COLEC10: variants seen among roughly 807,000 people sequenced by gnomAD.
COLEC10 encodes collectin subfamily member 10.
A neutral mutation model predicts 28.4 loss-of-function variants in COLEC10; 22 were observed. The ratio of observed to expected loss-of-function variants is 0.78; its 90% CI spans 0.55 to 1.11. COLEC10 has a LOEUF of 1.11. Among genes scored for constraint, COLEC10 ranks in the 50% least tolerant of loss-of-function variants. COLEC10 has a pLI of 0.00. For missense variants in COLEC10, 361 were observed against 344.1 expected, an observed-to-expected ratio of 1.05 and a Z score of -0.39; for synonymous variants, 125 against 116.1, an observed-to-expected ratio of 1.08 and a Z score of -0.49.
At chr8:119,047,673 A>G (rs2130168777) in intron 2 of COLEC10, among the ~76,000 whole-genome samples, 1 of 152,282 alleles carries the variant, frequency 6.6e-6, no homozygotes, top group South Asian at 2.1e-4. Context: ...TTATAGTAAA[A>G]ACCAATTAGT....
chr8:118,968,620 T>C, the COLEC10 span, among the ~76,000 whole-genome samples: 8 of 151,916 alleles, frequency 5.3e-5, no homozygotes, highest in Admixed American at 5.3e-4. Flanking sequence ...TGTATATGTA[T>C]ATGTATATAT....
chr8:119,056,444 A>C (rs1008281648), intron 2 of COLEC10, among the ~76,000 whole-genome samples: 3 of 152,078 alleles, frequency 2.0e-5, no homozygotes, highest in Non-Finnish European at 2.9e-5. Flanking sequence ...CTCTTGATCC[A>C]CAACCTTTCC....
intron 1 of COLEC10, among the ~76,000 whole-genome samples, chr8:119,078,064 C>G (rs1324552019): frequency 6.6e-6 from 1 of 152,162 alleles, no homozygotes; most frequent in Non-Finnish European, 1.5e-5. Flanking sequence ...TGAGAACCCA[C>G]TCATTACCAC....
chr8:118,987,740 G>A, the COLEC10 span, among the ~76,000 whole-genome samples: 36 of 152,118 alleles, frequency 2.4e-4, no homozygotes, highest in Admixed American at 6.6e-5. Context: ...GACATTCCTG[G>A]ACTTAGGATA....
intron 2 of COLEC10, among the ~76,000 whole-genome samples, chr8:119,011,151 A>AT (rs1173498959): frequency 2.0e-5 from 3 of 150,902 alleles, no homozygotes; most frequent in Non-Finnish European, 4.4e-5. Flanking sequence ...TTTTGAGTTA[A>AT]TTTTTGTGAA....
intron 1 of COLEC10, among the ~76,000 whole-genome samples, chr8:119,081,704 A>G (rs893588554): frequency 1.3e-5 from 2 of 152,314 alleles, no homozygotes; most frequent in East Asian, 3.9e-4. Flanking sequence ...TAAATGAGCC[A>G]TTTATCAGAA....
At chr8:118,964,769 C>G in the COLEC10 span, among the ~76,000 whole-genome samples, 14 of 152,170 alleles carry the variant, frequency 9.2e-5, no homozygotes, top group South Asian at 2.9e-3. Flanking sequence ...AGCCCTGTAC[C>G]CTGAACTTCT....
chr8:119,001,541 G>A (rs1479881278), intron 1 of COLEC10, among the ~76,000 whole-genome samples: 2 of 152,130 alleles, frequency 1.3e-5, no homozygotes, highest in Non-Finnish European at 2.9e-5. Context: ...CAGCAGTGAT[G>A]TGGCAACTAT....
At chr8:118,958,548 GC>G in the COLEC10 span, among the ~76,000 whole-genome samples, 1 of 152,170 alleles carries the variant, frequency 6.6e-6, no homozygotes, top group South Asian at 2.1e-4. Context: ...CACGGCTGAA[GC>G]TTTCAAATTC....
intron 2 of COLEC10, among the ~76,000 whole-genome samples, chr8:119,022,643 C>T (rs1475603193): frequency 6.6e-6 from 1 of 152,030 alleles, no homozygotes; most frequent in Non-Finnish European, 1.5e-5. Flanking sequence ...TCTTCTACCA[C>T]TGTTGTATGA....
In COLEC10 at chr8:119,010,052, ATAC is replaced by A. The variant is rs897440735; in HGVS notation, n.235+501_235+503del. Among the ~76,000 whole-genome samples the A allele has an allele frequency of 2.0e-4, 30 of 150,990 alleles. 1 individual carries two copies. The highest frequency in any genetic ancestry group is 7.4e-4 in the African/African-American group (30 of 40,398). On this transcript the variant is annotated intron_variant and non_coding_transcript_variant, in intron 2 of 6. Transcript: ENST00000521788. ...AAGTCCGTAGTTTATACCATGGTTC[ATAC>A]TGAGCATTGTACATTCTGTGGGTTC...
intron 1 of COLEC10, chr8:119,067,906 G>A (rs1815005557): frequency 6.6e-6 from 1 of 152,434 alleles, no homozygotes; most frequent in Admixed American, 6.5e-5. Context: ...GAGTTCCAAC[G>A]TAGAGGATGG....
chr8:118,991,926 T>C (rs1813512016), upstream of COLEC10, among the ~76,000 whole-genome samples: 1 of 152,180 alleles, frequency 6.6e-6, no homozygotes, highest in African/African-American at 2.4e-5. Context: ...TTTACAGTTG[T>C]TGCCTAGAGG....
At chr8:118,969,158 A>T in the COLEC10 span, among the ~76,000 whole-genome samples, 3 of 152,002 alleles carry the variant, frequency 2.0e-5, no homozygotes, top group African/African-American at 7.2e-5. Flanking sequence ...TGGGGTCAAG[A>T]GCCAAGAAAC....
At chr8:119,084,671 G>A (rs894275993) in intron 1 of COLEC10, among the ~76,000 whole-genome samples, 2 of 152,300 alleles carry the variant, frequency 1.3e-5, no homozygotes, top group East Asian at 3.9e-4. Flanking sequence ...ATGATAATAT[G>A]TTTATATAGG....
chr8:119,000,480 T>C (rs1169408865), intron 1 of COLEC10, among the ~76,000 whole-genome samples: 1 of 152,064 alleles, frequency 6.6e-6, no homozygotes, highest in Non-Finnish European at 1.5e-5. Flanking sequence ...CAGAGGAGCT[T>C]AATCAGGCTT....
At chr8:118,966,335 C>T in the COLEC10 span, among the ~76,000 whole-genome samples, 10 of 152,212 alleles carry the variant, frequency 6.6e-5, no homozygotes, top group Admixed American at 2.6e-4. Context: ...ATTTCCTTTG[C>T]CTTTTCCACA....
intron 2 of COLEC10, among the ~76,000 whole-genome samples, chr8:119,033,976 G>A (rs1814339926): frequency 6.6e-6 from 1 of 152,126 alleles, no homozygotes; most frequent in South Asian, 2.1e-4. Flanking sequence ...CAATAGCAAA[G>A]ACTTGGAACC....
At position 119,022,540 on chromosome 8, in the gene COLEC10, T is replaced by G. The variant is rs182363565; in HGVS notation, n.235+12987T>G. On this transcript the variant is annotated intron_variant and non_coding_transcript_variant, in intron 2 of 6. Coordinates refer to the COLEC10 transcript ENST00000521788. ...ATGTTAGGAAAGACTACTTATTTTT[T>G]TCACACCCCACATCCAATCTCCCAG... 1.0e-3 allele frequency among the ~76,000 whole-genome samples: 157 copies of G among 152,280 alleles called. 5 individuals are homozygous for G. Among genetic ancestry groups the G allele is most frequent in the Non-Finnish European group, 1.9e-4 (13 of 68,016 alleles).
Sources: allele counts gnomAD v4.1 joint callset (sites outside exome capture counted in the v4.1 genomes callset), GRCh38; gene constraint gnomAD v4.1.1; transcripts MANE v1.5; gene names NCBI Gene and HGNC (gene_info 2026-07-23, HGNC 2026-07-21).